The following MAP4 variants were observed in gnomAD, a reference collection of about 807,000 sequenced individuals.
MAP4 encodes the protein microtubule-associated protein 4.
MAP4 carries 76 observed loss-of-function variants against 170.2 expected under a neutral mutation model. That is an observed-to-expected ratio of 0.45 (90% CI 0.37 to 0.54). The LOEUF (loss-of-function observed/expected upper bound fraction) is 0.54. MAP4 is among the 20% of genes least tolerant of loss of function. The probability of loss-of-function intolerance (pLI) is 0.00; values close to 1 mark genes in which losing one functional copy is unlikely to be tolerated. For missense variants in MAP4, 2,506 were observed against 2,748.0 expected (o/e 0.91, Z 1.97); for synonymous variants, 909 against 994.5 (o/e 0.91, Z 1.62).
chr3:47,942,272 T>A (rs1215506403), intron 3 of MAP4, among the ~76,000 whole-genome samples: 2 of 152,022 alleles, frequency 1.3e-5, no homozygotes, highest in Non-Finnish European at 2.9e-5. Context: ...ACAATAAAAA[T>A]TAAGAAAAAT....
chr3:48,072,369 C>A lies in MAP4; in HGVS notation c.-20+16404G>T, dbSNP rs188217656. 3.3e-5 allele frequency among the ~76,000 whole-genome samples: 5 copies of A among 151,932 alleles called. No individual in the cohort carries two copies. In the East Asian group the frequency reaches 9.7e-4, roughly 29 times the overall value. On this transcript the variant is annotated intron_variant, in intron 1 of 18. Coordinates refer to the MAP4 transcript ENST00000360240. ...TACAAAAATTACCTGGGTGTGGCAG[C>A]GTGTGCCTGTAGTCCCAGCTACTTG...
chr3:47,946,998 C>T (rs1217528536), intron 3 of MAP4, among the ~76,000 whole-genome samples: 3 of 152,168 alleles, frequency 2.0e-5, no homozygotes, highest in Non-Finnish European at 1.5e-5. Flanking sequence ...TTTTCAATGG[C>T]TTCAAACCCA....
intron 1 of MAP4, among the ~76,000 whole-genome samples, chr3:48,067,327 G>A (rs932572075): frequency 6.6e-6 from 1 of 152,084 alleles, no homozygotes; most frequent in African/African-American, 2.4e-5. Flanking sequence ...ATGTTCCCCT[G>A]TATTTTCATT....
At chr3:47,987,462 GA>G (rs1559716453) in intron 2 of MAP4, 6 of 1,430,544 alleles carry the variant, frequency 4.2e-6, no homozygotes, top group Non-Finnish European at 5.6e-6. Context: ...AGAAGTCAGG[GA>G]ATGTTCTGGA....
chr3:48,010,119 A>G (rs1333078478), intron 1 of MAP4, among the ~76,000 whole-genome samples: 28 of 152,226 alleles, frequency 1.8e-4, no homozygotes, highest in Admixed American at 1.8e-3. Context: ...CAAAACCACA[A>G]CAGCCAAATC....
At chr3:48,014,478 C>CA (rs1302256464) in intron 1 of MAP4, among the ~76,000 whole-genome samples, 5 of 152,068 alleles carry the variant, frequency 3.3e-5, no homozygotes, top group Non-Finnish European at 7.4e-5. Flanking sequence ...GGCAAAATGG[C>CA]AAAACCCCAT....
intron 3 of MAP4, among the ~76,000 whole-genome samples, chr3:47,969,815 G>A (rs572760743): frequency 6.0e-5 from 9 of 150,352 alleles, no homozygotes; most frequent in Non-Finnish European, 1.2e-4. Context: ...GGCCGAGATC[G>A]CACCACTGCA....
chr3:47,884,951 A>G (rs949214300), intron 10 of MAP4, among the ~76,000 whole-genome samples: 56 of 152,108 alleles, frequency 3.7e-4, no homozygotes, highest in Admixed American at 3.7e-3. Flanking sequence ...GACCAGGCCT[A>G]TAGCTTCTGC....
At chr3:47,864,899 TG>T (rs898458566) in intron 17 of MAP4, among the ~76,000 whole-genome samples, 2 of 152,044 alleles carry the variant, frequency 1.3e-5, no homozygotes, top group Middle Eastern at 3.2e-3. Flanking sequence ...GGTGCCCAGC[TG>T]GGGGGCTCAT....
intron 17 of MAP4, 61 bp downstream of exon 17, chr3:47,867,184 TC>T (rs1269119973): frequency 8.5e-7 from 1 of 1,181,580 alleles, no homozygotes; most frequent in Non-Finnish European, 1.2e-6. Context: ...CCTGGCTCTC[TC>T]CCTAGTATAC....
intron 1 of MAP4, among the ~76,000 whole-genome samples, chr3:48,015,297 G>A (rs1022651212): frequency 2.7e-5 from 4 of 149,972 alleles, no homozygotes; most frequent in African/African-American, 7.4e-5. Context: ...GGGCGGGGGC[G>A]GTTATGGACA....
chr3:47,940,948 G>A (rs1019240410), intron 3 of MAP4, among the ~76,000 whole-genome samples: 5 of 151,964 alleles, frequency 3.3e-5, no homozygotes, highest in African/African-American at 1.2e-4. Flanking sequence ...TGCAATCTCG[G>A]CTCACTGTAA....
At chr3:47,866,054 A>T (rs935039354) in intron 17 of MAP4, among the ~76,000 whole-genome samples, 1 of 152,154 alleles carries the variant, frequency 6.6e-6, no homozygotes, top group African/African-American at 2.4e-5. Flanking sequence ...ATAAGGAGGG[A>T]AAGTCTGGGC....
At chr3:47,955,330 C>T (rs180898352) in intron 3 of MAP4, among the ~76,000 whole-genome samples, 24 of 152,094 alleles carry the variant, frequency 1.6e-4, no homozygotes, top group Admixed American at 7.2e-4. Flanking sequence ...CTGCCTTTTA[C>T]GTGCCTATGA....
At chr3:47,964,827 T>G (rs1280256654) in intron 3 of MAP4, among the ~76,000 whole-genome samples, 1 of 152,228 alleles carries the variant, frequency 6.6e-6, no homozygotes, top group Non-Finnish European at 1.5e-5. Flanking sequence ...AATTTGAAAT[T>G]TTTTTCCCTT....
In MAP4 at chr3:48,008,679, G is replaced by A. The variant is rs554081361; in HGVS notation, c.-20+7655C>T. ...GTGCTCACCAACAAGTGACCTCAGC[G>A]GAGGAGGGGTTTAATAATCTAGTGG... On this transcript the variant is annotated intron_variant, in intron 1 of 20. Coordinates refer to ENST00000683076, the MANE Select transcript of MAP4 (RefSeq NM_001385682.1). 4.3e-4 allele frequency among the ~76,000 whole-genome samples: 65 copies of A among 152,306 alleles called. No homozygotes were observed. The South Asian group carries it at 0.013, about 31-fold the overall frequency.
In MAP4 at chr3:47,911,022, G is replaced by T; in HGVS notation, c.3399C>A (p.Leu1133=). 5 of 1,536,160 alleles carry T rather than the reference G, an allele frequency of 3.3e-6. No individual in the cohort carries two copies. Among genetic ancestry groups the T allele is most frequent in the Non-Finnish European group, 4.4e-6 (5 of 1,146,904 alleles). Residue 1133 remains leucine, a synonymous_variant, in exon 9 of 21, where the codon CTC becomes CTA. Transcript: ENST00000683076. The surrounding 1 kb of genome is among the most constrained non-coding windows in gnomAD (Gnocchi z 4.0). The part of the protein sequence containing the change: ...SSKQPGTKAD[L]TEAVVMGEPK... ...GCTCCCCCATCACCACTGCCTCCGT[G>T]AGATCAGCCTTAGTGCCTGGTTGCT...
intron 3 of MAP4, among the ~76,000 whole-genome samples, chr3:47,950,020 C>T (rs897402792): frequency 6.6e-6 from 1 of 152,180 alleles, no homozygotes; most frequent in Non-Finnish European, 1.5e-5. Context: ...TTTTAACCCT[C>T]GGCTGGTGCC....
chr3:47,869,062 C>T (rs929977145), intron 16 of MAP4, 152 bp downstream of exon 16: 3 of 638,612 alleles, frequency 4.7e-6, no homozygotes, highest in African/African-American at 3.7e-5. Flanking sequence ...TTCTGATGGC[C>T]GAGTCATCAA....
Sources: gnomAD v4.1 joint callset for allele counts (sites outside exome capture counted in the v4.1 genomes callset) on GRCh38, gnomAD v4.1.1 for gene constraint, Gnocchi (gnomAD v3.1) non-coding constraint, MANE v1.5 for transcripts, NCBI Gene and HGNC (gene_info 2026-07-23, HGNC 2026-07-21) for gene names.